VOPP1: variants seen among roughly 807,000 people sequenced by gnomAD.
VOPP1 encodes WW domain binding protein VOPP1.
In VOPP1, 8 loss-of-function variants were observed where a neutral mutation model predicts 23.5. That is an observed-to-expected ratio of 0.34 (90% confidence interval 0.20 to 0.61). VOPP1 has a LOEUF of 0.61. Ranked by LOEUF, VOPP1 falls within the 20% of genes least tolerant of loss-of-function variation. The pLI is 0.78. For missense variants in VOPP1, 174 were observed against 238.1 expected, an observed-to-expected ratio of 0.73 and a Z score of 1.77; for synonymous variants, 83 against 97.3, an observed-to-expected ratio of 0.85 and a Z score of 0.86.
At chr7:55,469,567 TA>T (rs1791722193), downstream of VOPP1, among the ~76,000 whole-genome samples, 1 of 152,184 alleles carries the variant, frequency 6.6e-6, no homozygotes, top group Non-Finnish European at 1.5e-5. Flanking sequence ...AGCACTTTGA[TA>T]AAAGGCCCAG....
chr7:55,556,252 G>GTGA (rs775668370), intron 1 of VOPP1, among the ~76,000 whole-genome samples: 10 of 152,296 alleles, frequency 6.6e-5, no homozygotes, highest in Non-Finnish European at 1.5e-4. Context: ...GAGAGACAGG[G>GTGA]GTTCAGCCCA....
intron 4 of VOPP1, among the ~76,000 whole-genome samples, chr7:55,448,028 G>A (rs1791144551): frequency 6.6e-6 from 1 of 152,010 alleles, no homozygotes; most frequent in Non-Finnish European, 1.5e-5. Context: ...TCATTATAAT[G>A]ATTTTCCACA....
At chr7:55,521,526 T>C (rs1435136781) in intron 1 of VOPP1, 1 of 1,014,478 alleles carries the variant, frequency 9.9e-7, no homozygotes, top group African/African-American at 1.7e-5. Flanking sequence ...CCAATAGATT[T>C]AGCATTTCTA....
intron 4 of VOPP1, among the ~76,000 whole-genome samples, chr7:55,479,220 A>C (rs1345938747): frequency 6.6e-6 from 1 of 151,198 alleles, no homozygotes; most frequent in Admixed American, 6.6e-5. Flanking sequence ...TTAGTTACAT[A>C]TGTATACGTG....
chr7:55,524,714 AGCTT>A (rs1279476117), intron 1 of VOPP1, among the ~76,000 whole-genome samples: 5 of 152,202 alleles, frequency 3.3e-5, no homozygotes, highest in Admixed American at 6.5e-5. Context: ...TGTCAGAGTC[AGCTT>A]GCCCAATTGA....
intron 1 of VOPP1, among the ~76,000 whole-genome samples, chr7:55,545,308 C>T (rs538607296): frequency 1.1e-4 from 16 of 152,304 alleles, no homozygotes; most frequent in African/African-American, 3.9e-4. Flanking sequence ...GAGAAGAAAA[C>T]TCTTTCATCA....
intron 1 of VOPP1, among the ~76,000 whole-genome samples, chr7:55,529,258 G>C (rs113858613): frequency 1.3e-5 from 2 of 151,356 alleles, no homozygotes; most frequent in African/African-American, 4.9e-5. Flanking sequence ...TCAGCTACTT[G>C]GGAGGCTGAG....
chr7:55,508,103 A>G (rs1794849063), intron 2 of VOPP1, among the ~76,000 whole-genome samples: 1 of 152,246 alleles, frequency 6.6e-6, no homozygotes, highest in South Asian at 2.1e-4. Flanking sequence ...AATCACTAAT[A>G]TTAGCAGACC....
At chr7:55,450,578 A>T (rs1791218585) in intron 4 of VOPP1, among the ~76,000 whole-genome samples, 1 of 152,268 alleles carries the variant, frequency 6.6e-6, no homozygotes, top group African/African-American at 2.4e-5. Context: ...ACTTTGATAT[A>T]TTAGGCTGAA....
At chr7:55,531,867 A>T (rs1796516926) in intron 1 of VOPP1, among the ~76,000 whole-genome samples, 1 of 152,222 alleles carries the variant, frequency 6.6e-6, no homozygotes, top group Non-Finnish European at 1.5e-5. Flanking sequence ...ACTCTCCTCC[A>T]GTTGGGCCTA....
intron 1 of VOPP1, chr7:55,552,716 G>A: frequency 1.3e-6 from 2 of 1,535,674 alleles, no homozygotes; most frequent in Non-Finnish European, 1.7e-6. Flanking sequence ...CCCTCCGAAG[G>A]CAGGAGTCTG....
chr7:55,538,879 G>A (rs1366119365), intron 1 of VOPP1, among the ~76,000 whole-genome samples: 2 of 151,400 alleles, frequency 1.3e-5, no homozygotes, highest in African/African-American at 4.9e-5. Context: ...TCCCATCTGT[G>A]TACTTTTAAC....
intron 2 of VOPP1, among the ~76,000 whole-genome samples, chr7:55,512,678 G>A (rs1795154761): frequency 6.6e-6 from 1 of 152,206 alleles, no homozygotes; most frequent in African/African-American, 2.4e-5. Flanking sequence ...TCTGCAGCAG[G>A]CGTATGGAGC....
intron 2 of VOPP1, among the ~76,000 whole-genome samples, chr7:55,507,988 T>C (rs1048458785): frequency 2.0e-5 from 3 of 152,202 alleles, no homozygotes; most frequent in Non-Finnish European, 2.9e-5. Context: ...TTCTCTGACT[T>C]GTATAAACCC....
chr7:55,481,124 C>T (rs1341993448), intron 4 of VOPP1, among the ~76,000 whole-genome samples: 2 of 152,254 alleles, frequency 1.3e-5, no homozygotes, highest in East Asian at 1.9e-4. Context: ...AGGAGCGTGC[C>T]GTGTACCTGG....
intron 2 of VOPP1, among the ~76,000 whole-genome samples, chr7:55,516,918 ATATATATATATATATTTTTTTTTTT>A (rs1260939497): frequency 6.2e-5 from 2 of 32,338 alleles, no homozygotes; most frequent in Admixed American, 4.2e-4. Context: ...ATATATATAT[ATATATATATATATATTTTTTTTTTT>A]TTTTTTTTTT....
intron 1 of VOPP1, among the ~76,000 whole-genome samples, chr7:55,561,664 T>C (rs1797990515): frequency 8.0e-6 from 1 of 124,272 alleles, no homozygotes; most frequent in South Asian, 2.6e-4. Context: ...GCCACTGCAC[T>C]CCAGCCTGGG....
chr7:55,479,331 G>T (rs1408744553), intron 4 of VOPP1, among the ~76,000 whole-genome samples: 1 of 119,104 alleles, frequency 8.4e-6, no homozygotes, highest in Non-Finnish European at 1.6e-5. Flanking sequence ...ACAGTCCCCA[G>T]AATGTGATGT....
intron 1 of VOPP1, among the ~76,000 whole-genome samples, chr7:55,549,813 C>G (rs573791818): frequency 6.6e-5 from 10 of 152,382 alleles, no homozygotes; most frequent in Admixed American, 3.3e-4. Context: ...ACACATTCTA[C>G]AAGAGATCCC....
Sources: allele counts gnomAD v4.1 joint callset (sites outside exome capture counted in the v4.1 genomes callset), GRCh38; gene constraint gnomAD v4.1.1; transcripts MANE v1.5; gene names NCBI Gene and HGNC (gene_info 2026-07-23, HGNC 2026-07-21).